Variants in SP4 observed in about 807,000 individuals in gnomAD.
SP4 encodes Sp4 transcription factor.
SP4 carries 19 observed loss-of-function variants against 72.8 expected under a neutral mutation model. The ratio of observed to expected loss-of-function variants is 0.26; its 90% CI spans 0.18 to 0.38. SP4 has a LOEUF of 0.38. SP4 is among the 10% of genes least tolerant of loss of function. The pLI is 1.00. For missense variants in SP4, 1,008 were observed against 926.3 expected, an observed-to-expected ratio of 1.09 and a Z score of -1.14; for synonymous variants, 395 against 333.1, an observed-to-expected ratio of 1.19 and a Z score of -2.02.
At position 21,443,672 on chromosome 7, in the gene SP4, G is replaced by A. The variant is rs557224712; in HGVS notation, c.1678+12829G>A. Among the ~76,000 whole-genome samples the A allele has an allele frequency of 3.3e-5, 5 of 152,302 alleles. No homozygotes were observed. In the East Asian group the frequency reaches 7.7e-4, roughly 24 times the overall value. On this transcript the variant is annotated intron_variant, in intron 3 of 5. Coordinates refer to ENST00000222584, the MANE Select transcript of SP4 (RefSeq NM_003112.5). The stretch of plus-strand genomic sequence containing the variant: ...TAAGTGGGTATCTGTGCCTGGTGTG[G>A]GGCTGGGAAAGGGGTGGAAAATCCT...
intron 3 of SP4, among the ~76,000 whole-genome samples, chr7:21,476,549 A>G (rs1435233472): frequency 6.6e-6 from 1 of 152,174 alleles, no homozygotes; most frequent in East Asian, 1.9e-4. Flanking sequence ...TTATGTATAC[A>G]CTAAAAAAAG....
intron 4 of SP4, among the ~76,000 whole-genome samples, chr7:21,479,645 GT>G (rs1475893897): frequency 6.6e-6 from 1 of 152,148 alleles, no homozygotes; most frequent in African/African-American, 2.4e-5. Context: ...TTTAGAATCA[GT>G]TTGTCAGTTT....
chr7:21,435,137 A>G (rs1182311837), intron 3 of SP4, among the ~76,000 whole-genome samples: 1 of 152,224 alleles, frequency 6.6e-6, no homozygotes, highest in Non-Finnish European at 1.5e-5. Context: ...TAATCATCAT[A>G]TGTAGTAACA....
At chr7:21,454,744 T>C (rs977455651) in intron 3 of SP4, among the ~76,000 whole-genome samples, 4 of 152,182 alleles carry the variant, frequency 2.6e-5, no homozygotes, top group South Asian at 2.1e-4. Flanking sequence ...GGTAGGACTT[T>C]CCAGTTGAAG....
In SP4 at chr7:21,430,372, A is replaced by G. The variant is rs766141636; in HGVS notation, c.1207A>G (p.Ile403Val). The G allele has an allele frequency of 5.0e-6, 8 of 1,614,208 alleles. No individual in the cohort carries two copies. In the Admixed American group the frequency reaches 5.0e-5, roughly 10 times the overall value. ...LQQVQIVGQP[I>V]LQQIQIQQPQ... ...GCAGGTGCAAATTGTAGGCCAACCT[A>G]TCTTACAGCAGATCCAGATCCAACA... Residue 403 changes from isoleucine (I) to valine (V), a missense_variant, in exon 3 of 6, where the codon ATC becomes GTC. By Grantham distance (29) the Ile-to-Val change is conservative. This residue lies in a region of SP4 where 893 missense variants were observed against 743.3 expected (regional missense o/e 1.20). Coordinates refer to ENST00000222584, the MANE Select transcript of SP4 (RefSeq NM_003112.5).
At chr7:21,490,726 T>C (rs1451026089) in intron 5 of SP4, among the ~76,000 whole-genome samples, 1 of 152,212 alleles carries the variant, frequency 6.6e-6, no homozygotes, top group East Asian at 1.9e-4. Flanking sequence ...CCTTGAGCAT[T>C]GCATGCACAG....
At chr7:21,484,024 A>G (rs578136935) in intron 5 of SP4, among the ~76,000 whole-genome samples, 365 of 152,028 alleles carry the variant, frequency 2.4e-3, no homozygotes, top group African/African-American at 8.5e-3. Context: ...TTTGATTCTA[A>G]CAACAGCAAC....
intron 4 of SP4, among the ~76,000 whole-genome samples, chr7:21,477,612 C>T (rs1177766932): frequency 1.3e-5 from 2 of 151,150 alleles, no homozygotes; most frequent in Non-Finnish European, 2.9e-5. Context: ...TCTCAGCTCA[C>T]TGCAATCTCT....
intron 3 of SP4, among the ~76,000 whole-genome samples, chr7:21,448,906 G>T (rs1490330134): frequency 6.6e-6 from 1 of 152,134 alleles, no homozygotes; most frequent in Non-Finnish European, 1.5e-5. Context: ...GCTTGATTGA[G>T]TATATTAACC....
intron 3 of SP4, among the ~76,000 whole-genome samples, chr7:21,440,686 TA>T (rs1783213412): frequency 2.0e-5 from 3 of 152,008 alleles, no homozygotes; most frequent in Non-Finnish European, 4.4e-5. Context: ...CTGTCTCTAC[TA>T]AAAATACAAA....
intron 3 of SP4, among the ~76,000 whole-genome samples, chr7:21,476,385 G>A (rs960611818): frequency 6.6e-6 from 1 of 150,704 alleles, no homozygotes. Flanking sequence ...TTTTCCCAAA[G>A]TGAAGAAGCC....
intron 3 of SP4, among the ~76,000 whole-genome samples, chr7:21,464,697 G>A (rs1784113800): frequency 6.6e-6 from 1 of 151,658 alleles, no homozygotes; most frequent in African/African-American, 2.4e-5. Flanking sequence ...CCACAGGTGT[G>A]CACCACTGTG....
Position 21,511,353 on chromosome 7 carries a change from A to AC in SP4, c.*85dup. 1 of 1,327,592 alleles carries AC rather than the reference A, an allele frequency of 7.5e-7. No individual in the cohort carries two copies. The highest frequency in any genetic ancestry group is 1.4e-5 in the South Asian group (1 of 72,840). 82.2% of individuals were successfully genotyped at this position (1,327,592 alleles called of 1,614,324 possible). On this transcript the variant is annotated 3_prime_UTR_variant, in exon 6 of 6. Coordinates refer to ENST00000222584, the MANE Select transcript of SP4 (RefSeq NM_003112.5). ...TGGAAATGGGCTGGTCAAGTGGATTACAGAGTAGGAAATTATGTTTTCATT... is the reference window on the plus strand; with the variant it reads ...TGGAAATGGGCTGGTCAAGTGGATTACCAGAGTAGGAAATTATGTTTTCATT...
At chr7:21,492,231 G>T (rs558424108) in intron 5 of SP4, among the ~76,000 whole-genome samples, 2 of 152,250 alleles carry the variant, frequency 1.3e-5, no homozygotes, top group South Asian at 4.1e-4. Context: ...TGAAAAGTTA[G>T]ATATATACCA....
chr7:21,476,465 A>G (rs987586486), intron 3 of SP4, among the ~76,000 whole-genome samples: 4 of 152,146 alleles, frequency 2.6e-5, no homozygotes, highest in Non-Finnish European at 4.4e-5. Flanking sequence ...AAGTAATAAT[A>G]TCTTAAATGT....
chr7:21,475,790 AT>A lies in SP4; in HGVS notation c.1679-1288del, dbSNP rs1305193445. ...AGATGAATTGGTAACAGTAGCTACCATGTAATGAGCAATTCCGTGCCAGCAC... is the reference window on the plus strand; with the variant it reads ...AGATGAATTGGTAACAGTAGCTACCAGTAATGAGCAATTCCGTGCCAGCAC... On this transcript the variant is annotated intron_variant, in intron 3 of 5. Transcript: ENST00000222584. Among the ~76,000 whole-genome samples the A allele has an allele frequency of 3.9e-5, 6 of 152,222 alleles. No individual in the cohort carries two copies. The East Asian group carries it at 1.2e-3, about 29-fold the overall frequency.
intron 3 of SP4, among the ~76,000 whole-genome samples, chr7:21,448,048 A>AC (rs1201123850): frequency 1.3e-5 from 2 of 152,088 alleles, no homozygotes; most frequent in East Asian, 1.9e-4. Context: ...TTACAGAATG[A>AC]CCCCCCGTGA....
intron 3 of SP4, among the ~76,000 whole-genome samples, chr7:21,431,591 TAA>T (rs1782855877): frequency 6.6e-6 from 1 of 152,252 alleles, no homozygotes; most frequent in South Asian, 2.1e-4. Context: ...TTAATTGTGG[TAA>T]AGTTATTTTT....
At chr7:21,484,486 G>A (rs188135684) in intron 5 of SP4, among the ~76,000 whole-genome samples, 19 of 151,790 alleles carry the variant, frequency 1.3e-4, no homozygotes, top group African/African-American at 2.7e-4. Flanking sequence ...GTATAGCGTC[G>A]CAATCCCTGA....
Sources: allele counts gnomAD v4.1 joint callset (sites outside exome capture counted in the v4.1 genomes callset), GRCh38; gene constraint gnomAD v4.1.1; regional missense constraint gnomAD v4.1.1; transcripts MANE v1.5; gene names NCBI Gene and HGNC (gene_info 2026-07-23, HGNC 2026-07-21).